SCN8A: variants seen among roughly 807,000 people sequenced by gnomAD.
SCN8A encodes sodium channel protein type 8 subunit alpha.
A neutral mutation model predicts 184.1 loss-of-function variants in SCN8A; 30 were observed. That is an observed-to-expected ratio of 0.16 (90% CI 0.12 to 0.22). The LOEUF is 0.22. Ranked by LOEUF, SCN8A falls within the 10% of genes least tolerant of loss-of-function variation. The pLI, the probability that SCN8A is intolerant of heterozygous loss-of-function variation, is 1.00. For synonymous variants in SCN8A, 852 were observed against 907.0 expected (o/e 0.94, Z 1.09); for missense variants, 1,057 against 2,498.9 (o/e 0.42, Z 12.30).
intron 21 of SCN8A, among the ~76,000 whole-genome samples, chr12:51,782,860 C>G (rs949577999): frequency 4.5e-4 from 69 of 152,174 alleles, no homozygotes; most frequent in Non-Finnish European, 4.3e-4. Context: ...TAAAAACTTT[C>G]ATTTGTCAAC....
intron 20 of SCN8A, among the ~76,000 whole-genome samples, chr12:51,776,959 A>G (rs1003194220): frequency 9.2e-5 from 14 of 152,190 alleles, no homozygotes; most frequent in Admixed American, 4.6e-4. Flanking sequence ...AATCCATATG[A>G]GTTCCCAAAC....
intron 1 of SCN8A, among the ~76,000 whole-genome samples, chr12:51,649,348 A>G (rs1392629358): frequency 6.6e-6 from 1 of 152,176 alleles, no homozygotes; most frequent in Non-Finnish European, 1.5e-5. Flanking sequence ...CCCTCTTCTC[A>G]CAGCTCCACT....
At chr12:51,766,095 A>G (rs1942833444) in intron 16 of SCN8A, 68 bp downstream of exon 16, 2 of 1,253,252 alleles carry the variant, frequency 1.6e-6, no homozygotes, top group Non-Finnish European at 1.2e-6. Context: ...CAGAAGCCCA[A>G]GTCCTTCTAC....
intron 20 of SCN8A, among the ~76,000 whole-genome samples, chr12:51,778,347 C>T (rs1937778104): frequency 6.6e-6 from 1 of 152,068 alleles, no homozygotes; most frequent in Non-Finnish European, 1.5e-5. Flanking sequence ...TGCAATGGCA[C>T]CATCTCCGCT....
Position 51,807,112 on chromosome 12 carries a change from T to A in SCN8A, c.5626T>A (p.Ser1876Thr). ...RQQMEERFVASNPSKVSYEPI... is the reference protein window; with the variant it reads ...RQQMEERFVATNPSKVSYEPI... ...GCAGATGGAAGAGCGGTTCGTGGCATCCAATCCTTCCAAAGTGTCTTACGA... is the reference window on the plus strand; with the variant it reads ...GCAGATGGAAGAGCGGTTCGTGGCAACCAATCCTTCCAAAGTGTCTTACGA... Residue 1876 changes from serine to threonine, a missense_variant, in exon 27 of 27, where the codon TCC (serine) becomes ACC (threonine). Transcript: ENST00000627620. This position sits in a 1 kb window ranked among gnomAD's most constrained non-coding sequence, Gnocchi z 4.5. 2.5e-6 allele frequency: 4 copies of A among 1,613,880 alleles called. No individual in the cohort carries two copies. Among genetic ancestry groups the A allele is most frequent in the Non-Finnish European group, 3.4e-6 (4 of 1,179,866 alleles).
At chr12:51,624,599 A>G (rs547100257) in intron 1 of SCN8A, among the ~76,000 whole-genome samples, 212 of 152,106 alleles carry the variant, frequency 1.4e-3, no homozygotes, top group Middle Eastern at 3.4e-3. Flanking sequence ...TTTGCTGTGC[A>G]GAAGCTCTTT....
chr12:51,660,717 C>T (rs1940909401), intron 1 of SCN8A, among the ~76,000 whole-genome samples: 1 of 152,190 alleles, frequency 6.6e-6, no homozygotes, highest in Non-Finnish European at 1.5e-5. Context: ...ATATCTGCCT[C>T]ATATGCTGCT....
chr12:51,765,751 G>C lies in SCN8A; in HGVS notation c.2625G>C (p.Leu875=). The change falls in exon 16 of 27, where the codon CTG becomes CTC. Residue 875 remains leucine (L), a synonymous_variant. Transcript: ENST00000627620. ...TTATTGGAAATTCAGTGGGTGCCCT[G>C]GGCAACCTGACACTGGTGCTGGCCA... The part of the protein sequence containing the change: ...IKIIGNSVGA[L]GNLTLVLAII... 6.2e-7 allele frequency: 1 copy of C among 1,613,620 alleles called. No homozygotes were observed. Among genetic ancestry groups the C allele is most frequent in the Non-Finnish European group, 8.5e-7 (1 of 1,179,822 alleles).
chr12:51,749,612 C>A (rs1942566062), intron 13 of SCN8A, among the ~76,000 whole-genome samples: 1 of 152,134 alleles, frequency 6.6e-6, no homozygotes, highest in African/African-American at 2.4e-5. Context: ...TCACAGACTT[C>A]CTTTCCCACG....
At chr12:51,777,764 G>A (rs1937752502) in intron 20 of SCN8A, among the ~76,000 whole-genome samples, 1 of 152,136 alleles carries the variant, frequency 6.6e-6, no homozygotes, top group Non-Finnish European at 1.5e-5. Context: ...CCACCCTGAA[G>A]AGCTGGGATC....
intron 26 of SCN8A, among the ~76,000 whole-genome samples, chr12:51,798,434 G>A (rs1173695004): frequency 6.6e-6 from 1 of 152,198 alleles, no homozygotes; most frequent in Admixed American, 6.5e-5. Flanking sequence ...TTTCCATGAT[G>A]GAAGAGGTCC....
At chr12:51,731,246 C>CT (rs998591664) in intron 12 of SCN8A, among the ~76,000 whole-genome samples, 144 of 146,662 alleles carry the variant, frequency 9.8e-4, no homozygotes, top group East Asian at 9.6e-3. Flanking sequence ...TTTTCTTCTT[C>CT]TTTTTTTTTT....
At chr12:51,618,935 C>G (rs1939903630) in intron 1 of SCN8A, among the ~76,000 whole-genome samples, 1 of 152,100 alleles carries the variant, frequency 6.6e-6, no homozygotes, top group Non-Finnish European at 1.5e-5. Flanking sequence ...AATATCTGCA[C>G]TTAGCACCAG....
At chr12:51,769,393 C>A in intron 17 of SCN8A, 58 bp downstream of exon 17, 1 of 1,300,492 alleles carries the variant, frequency 7.7e-7, no homozygotes, top group Non-Finnish European at 1.1e-6. Context: ...AGGGTGCTGT[C>A]AGCCTTGGGG....
In SCN8A at chr12:51,790,397, C is replaced by G; in HGVS notation, c.4420-1C>G. The G allele has an allele frequency of 6.2e-7, 1 of 1,602,026 alleles. No individual in the cohort carries two copies. Reference sequence around the variant, plus strand: ...GTCTGTTTTCTTCTTCCCTCCTTTACTTCGGAGGTCAGGACATCTTCATGA... The same window carrying G: ...GTCTGTTTTCTTCTTCCCTCCTTTAGTTCGGAGGTCAGGACATCTTCATGA... On this transcript the variant is annotated splice_acceptor_variant, in intron 24 of 26. Coordinates refer to ENST00000627620, the MANE Select transcript of SCN8A (RefSeq NM_001330260.2). LOFTEE classifies it high-confidence loss of function.
chr12:51,682,684 A>G (rs1941355500), intron 2 of SCN8A, among the ~76,000 whole-genome samples: 1 of 152,224 alleles, frequency 6.6e-6, no homozygotes, highest in Admixed American at 6.5e-5. Flanking sequence ...TAAAAATAAA[A>G]AACTACTTAA....
chr12:51,643,868 A>G (rs1940507214), intron 1 of SCN8A, among the ~76,000 whole-genome samples: 1 of 152,214 alleles, frequency 6.6e-6, no homozygotes, highest in African/African-American at 2.4e-5. Context: ...GTATCCTGAT[A>G]CCAGGTTTAA....
intron 21 of SCN8A, among the ~76,000 whole-genome samples, chr12:51,781,298 C>T (rs995074234): frequency 6.6e-6 from 1 of 152,120 alleles, no homozygotes. Flanking sequence ...AGAAGAAATG[C>T]TTTTCTTTCT....
intron 11 of SCN8A, chr12:51,713,173 T>C: frequency 8.3e-7 from 1 of 1,204,714 alleles, no homozygotes; most frequent in East Asian, 2.3e-5. Context: ...CTTTTCAAAG[T>C]AGTCTCTCAA....
Sources: allele counts gnomAD v4.1 joint callset (sites outside exome capture counted in the v4.1 genomes callset), GRCh38; gene constraint gnomAD v4.1.1; non-coding constraint Gnocchi (gnomAD v3.1); transcripts MANE v1.5; gene names NCBI Gene and HGNC (gene_info 2026-07-23, HGNC 2026-07-21).